The following SORBS2 variants were observed in gnomAD, a reference collection of about 807,000 sequenced individuals.
SORBS2 encodes sorbin and SH3 domain containing 2, also known as sorbin and SH3 domain-containing protein 2.
A neutral mutation model predicts 97.7 loss-of-function variants in SORBS2; 46 were observed. That is an observed-to-expected ratio of 0.47 (90% CI 0.37 to 0.60). SORBS2 has a LOEUF of 0.60. SORBS2 is among the 20% of genes least tolerant of loss of function. The pLI, the probability that SORBS2 is intolerant of heterozygous loss-of-function variation, is 0.00. For synonymous variants in SORBS2, 476 were observed against 473.4 expected (o/e 1.01, Z -0.07); for missense variants, 1,316 against 1,282.3 (o/e 1.03, Z -0.40).
At chr4:185,939,667 C>T (rs1030189863) in intron 1 of SORBS2, among the ~76,000 whole-genome samples, 9 of 152,186 alleles carry the variant, frequency 5.9e-5, no homozygotes, top group South Asian at 2.1e-4. Context: ...CGTGCCACCA[C>T]GCCTGGCTAA....
At chr4:185,862,141 G>A (rs2099224176) in intron 1 of SORBS2, among the ~76,000 whole-genome samples, 1 of 152,188 alleles carries the variant, frequency 6.6e-6, no homozygotes, top group Admixed American at 6.5e-5. Context: ...GTATATGTGT[G>A]TGTGTGTGTG....
At chr4:185,809,577 A>AAGC (rs2099170797) in intron 1 of SORBS2, among the ~76,000 whole-genome samples, 1 of 152,000 alleles carries the variant, frequency 6.6e-6, no homozygotes, top group African/African-American at 2.4e-5. Flanking sequence ...AAATAGCCAT[A>AAGC]AGCGAAAGTG....
chr4:185,598,882 AT>A (rs1436114343), intron 12 of SORBS2, among the ~76,000 whole-genome samples: 1 of 150,578 alleles, frequency 6.6e-6, no homozygotes, highest in Non-Finnish European at 1.5e-5. Flanking sequence ...CAGGCAAAAA[AT>A]AAAAAAAAAA....
chr4:185,650,223 A>G (rs1380067378), intron 2 of SORBS2, among the ~76,000 whole-genome samples: 4 of 152,222 alleles, frequency 2.6e-5, no homozygotes, highest in Admixed American at 2.6e-4. Flanking sequence ...ATTATGATGG[A>G]AAATAATTGG....
At chr4:185,657,528 A>T, upstream of SORBS2, 1 of 1,586,628 alleles carries the variant, frequency 6.3e-7, no homozygotes, top group Non-Finnish European at 8.5e-7. Flanking sequence ...GAGGATCGGT[A>T]CAGGGGGATA....
At chr4:185,717,974 C>T (rs1443954263) in intron 2 of SORBS2, among the ~76,000 whole-genome samples, 1 of 152,190 alleles carries the variant, frequency 6.6e-6, no homozygotes, top group Non-Finnish European at 1.5e-5. Flanking sequence ...GGCGCAGTGG[C>T]TCACGCCTGC....
chr4:185,756,712 G>C (rs2098832913), intron 2 of SORBS2, among the ~76,000 whole-genome samples: 1 of 123,468 alleles, frequency 8.1e-6, no homozygotes, highest in African/African-American at 3.1e-5. Flanking sequence ...ACAGCCAACT[G>C]TTAAAGCTTT....
chr4:185,638,183 A>G (rs1361684911), intron 4 of SORBS2, 21 bp from the exon 15 acceptor site: 20 of 1,492,188 alleles, frequency 1.3e-5, no homozygotes, highest in Non-Finnish European at 1.9e-5. Context: ...TGTGAAGGAA[A>G]AGGGAAGGAA....
chr4:185,638,922 G>A (rs754613563), intron 4 of SORBS2: 10 of 1,502,070 alleles, frequency 6.7e-6, no homozygotes, highest in South Asian at 5.1e-5. Context: ...GTGTGGGGGC[G>A]CCACTCCGGG....
chr4:185,920,567 G>A (rs1255140046), intron 1 of SORBS2, among the ~76,000 whole-genome samples: 1 of 152,106 alleles, frequency 6.6e-6, no homozygotes, highest in African/African-American at 2.4e-5. Context: ...GCAGAATAGA[G>A]CTTGTATGCC....
intron 1 of SORBS2, among the ~76,000 whole-genome samples, chr4:185,903,975 A>G (rs2099249226): frequency 6.6e-6 from 1 of 152,204 alleles, no homozygotes; most frequent in Admixed American, 6.5e-5. Context: ...AAGAATACTT[A>G]TACAGCAAAA....
chr4:185,943,057 G>T (rs952392540), intron 1 of SORBS2, among the ~76,000 whole-genome samples: 1 of 152,164 alleles, frequency 6.6e-6, no homozygotes, highest in Non-Finnish European at 1.5e-5. Context: ...GTGGTTTAAT[G>T]CAACAATAAT....
intron 1 of SORBS2, among the ~76,000 whole-genome samples, chr4:185,852,201 C>A (rs565591773): frequency 6.6e-6 from 1 of 152,260 alleles, no homozygotes; most frequent in Non-Finnish European, 1.5e-5. Context: ...ACTGTAAATT[C>A]GGCTCCTATT....
At chr4:185,617,611 G>A (rs2096648470) in intron 9 of SORBS2, among the ~76,000 whole-genome samples, 1 of 151,964 alleles carries the variant, frequency 6.6e-6, no homozygotes, top group African/African-American at 2.4e-5. Flanking sequence ...GAATTCTACT[G>A]GAGAACAAAG....
intron 1 of SORBS2, among the ~76,000 whole-genome samples, chr4:185,780,738 G>C (rs981227855): frequency 6.6e-6 from 1 of 152,172 alleles, no homozygotes; most frequent in Non-Finnish European, 1.5e-5. Context: ...TTGATGTTAA[G>C]TAAATACTTT....
intron 1 of SORBS2, among the ~76,000 whole-genome samples, chr4:185,897,288 T>C (rs1474689375): frequency 6.6e-6 from 1 of 152,098 alleles, no homozygotes; most frequent in Admixed American, 6.5e-5. Flanking sequence ...GAGATCCGAT[T>C]CCAGAGAGGG....
chr4:185,712,158 C>A (rs1386099053), intron 2 of SORBS2, among the ~76,000 whole-genome samples: 1 of 152,130 alleles, frequency 6.6e-6, no homozygotes, highest in African/African-American at 2.4e-5. Context: ...TAAAATGTTG[C>A]CTTTCCTAAA....
At chr4:185,765,340 A>G (rs1345442951) in intron 2 of SORBS2, among the ~76,000 whole-genome samples, 1 of 152,056 alleles carries the variant, frequency 6.6e-6, no homozygotes, top group African/African-American at 2.4e-5. Context: ...AGGGTTAAAC[A>G]TACCAAATAG....
At chr4:185,763,670 A>G (rs1047524869) in intron 2 of SORBS2, among the ~76,000 whole-genome samples, 1 of 152,258 alleles carries the variant, frequency 6.6e-6, no homozygotes, top group Non-Finnish European at 1.5e-5. Context: ...GAGGAGAGGT[A>G]TAATTTTGCC....
Sources: gnomAD v4.1 joint callset for allele counts (sites outside exome capture counted in the v4.1 genomes callset) on GRCh38, gnomAD v4.1.1 for gene constraint, MANE v1.5 for transcripts, NCBI Gene and HGNC (gene_info 2026-07-23, HGNC 2026-07-21) for gene names.